Variants in OSBPL10 observed in about 807,000 individuals in gnomAD.
OSBPL10 encodes oxysterol binding protein like 10, also known as oxysterol-binding protein-related protein 10.
In OSBPL10, 49 loss-of-function variants were observed where a neutral mutation model predicts 81.7. The observed-to-expected ratio is 0.60, with a 90% CI of 0.48 to 0.76. The LOEUF (loss-of-function observed/expected upper bound fraction) is 0.76, where lower values mean the gene tolerates loss of function less well. Among genes scored for constraint, OSBPL10 ranks in the 30% least tolerant of loss-of-function variants. The probability of loss-of-function intolerance (pLI) is 0.00; values close to 1 mark genes in which losing one functional copy is unlikely to be tolerated. For synonymous variants in OSBPL10, 419 were observed against 383.6 expected, an observed-to-expected ratio of 1.09 and a Z score of -1.08; for missense variants, 923 against 987.8, an observed-to-expected ratio of 0.93 and a Z score of 0.88.
At position 31,790,476 on chromosome 3, in the gene OSBPL10, T is replaced by C. The variant is rs144854797; in HGVS notation, c.729+39564A>G. Among the ~76,000 whole-genome samples the C allele has an allele frequency of 2.0e-4, 30 of 152,312 alleles. No homozygotes were observed. The East Asian group carries it at 2.9e-3, about 15-fold the overall frequency. ...AGACCTGATTTACATTTCACATATA[T>C]AAAATTCTTCTGTCTCTGAATCACA... is the stretch of plus-strand genomic sequence containing the variant. On this transcript the variant is annotated intron_variant, in intron 4 of 11. Coordinates refer to ENST00000396556, the MANE Select transcript of OSBPL10 (RefSeq NM_017784.5).
intron 2 of OSBPL10, among the ~76,000 whole-genome samples, chr3:31,995,694 T>C (rs1039363932): frequency 6.6e-6 from 1 of 152,172 alleles, no homozygotes; most frequent in African/African-American, 2.4e-5. Context: ...CATAAGAAAT[T>C]ATGAAAGTAT....
At chr3:31,744,673 T>C (rs554225875) in intron 5 of OSBPL10, among the ~76,000 whole-genome samples, 1 of 152,016 alleles carries the variant, frequency 6.6e-6, no homozygotes, top group South Asian at 2.1e-4. Flanking sequence ...CACTTCTTGG[T>C]CTCCCCTTTT....
At chr3:31,828,666 G>A (rs1700157508) in intron 4 of OSBPL10, among the ~76,000 whole-genome samples, 1 of 152,132 alleles carries the variant, frequency 6.6e-6, no homozygotes, top group African/African-American at 2.4e-5. Flanking sequence ...CTAAGTAGCT[G>A]GGACTACAGT....
intron 3 of OSBPL10, among the ~76,000 whole-genome samples, chr3:31,843,613 T>G (rs893633385): frequency 6.6e-6 from 1 of 152,190 alleles, no homozygotes; most frequent in African/African-American, 2.4e-5. Flanking sequence ...ATCTGACATC[T>G]CTGATCATTG....
At chr3:31,852,066 A>G (rs1024007064) in intron 3 of OSBPL10, among the ~76,000 whole-genome samples, 6 of 152,162 alleles carry the variant, frequency 3.9e-5, no homozygotes, top group Non-Finnish European at 7.3e-5. Flanking sequence ...AAGGACCTCA[A>G]GTGAAGAACT....
At chr3:31,770,590 C>T (rs370387564) in intron 4 of OSBPL10, among the ~76,000 whole-genome samples, 3 of 152,114 alleles carry the variant, frequency 2.0e-5, no homozygotes, top group African/African-American at 7.2e-5. Flanking sequence ...AGTTCGAGAC[C>T]AGCCTGACCA....
At chr3:32,044,277 G>A (rs78605803) in intron 2 of OSBPL10, among the ~76,000 whole-genome samples, 4,814 of 150,934 alleles carry the variant, frequency 0.032, 122 homozygotes, top group Non-Finnish European at 0.046. Flanking sequence ...TCTATCTTTC[G>A]TAATATAAGA....
chr3:31,855,222 A>G (rs1386377777), intron 3 of OSBPL10, among the ~76,000 whole-genome samples: 1 of 152,042 alleles, frequency 6.6e-6, no homozygotes, highest in African/African-American at 2.4e-5. Flanking sequence ...AGGTCTTGCT[A>G]TGTTGCCTGA....
At chr3:31,726,557 G>A (rs538005470) in intron 6 of OSBPL10, among the ~76,000 whole-genome samples, 3 of 152,078 alleles carry the variant, frequency 2.0e-5, no homozygotes, top group African/African-American at 7.2e-5. Context: ...CTCATGATCC[G>A]CCTGCCTCGG....
At chr3:31,972,612 C>T (rs11716431) in intron 1 of OSBPL10, among the ~76,000 whole-genome samples, 27,791 of 152,060 alleles carry the variant, frequency 0.18, 2,723 homozygotes, top group South Asian at 0.34. Flanking sequence ...GTTCTACCCA[C>T]ACATAAGGAG....
intron 1 of OSBPL10, among the ~76,000 whole-genome samples, chr3:31,911,267 A>G (rs1696569466): frequency 1.3e-5 from 2 of 152,206 alleles, no homozygotes; most frequent in African/African-American, 4.8e-5. Flanking sequence ...ACCACACAAA[A>G]GTAGCCACAG....
intron 1 of OSBPL10, among the ~76,000 whole-genome samples, chr3:31,947,207 G>A (rs7641575): frequency 0.17 from 25,556 of 152,106 alleles, 2,583 homozygotes; most frequent in South Asian, 0.27. Context: ...TTACTGGAAG[G>A]TAAGGGTGAG....
At chr3:31,703,858 C>G (rs1695975480) in intron 6 of OSBPL10, 2 of 152,222 alleles carry the variant, frequency 1.3e-5, no homozygotes, top group Admixed American at 1.3e-4. Flanking sequence ...GTGCCCAGTT[C>G]TCTAGCCACC....
At chr3:31,760,674 G>T (rs919859267) in intron 4 of OSBPL10, among the ~76,000 whole-genome samples, 2 of 152,170 alleles carry the variant, frequency 1.3e-5, no homozygotes, top group Admixed American at 1.3e-4. Flanking sequence ...AGGGCTGACT[G>T]TATGCCCTTT....
At chr3:31,946,332 T>C (rs960667758) in intron 1 of OSBPL10, among the ~76,000 whole-genome samples, 1 of 149,510 alleles carries the variant, frequency 6.7e-6, no homozygotes, top group Non-Finnish European at 1.5e-5. Context: ...ACTTTTTCAA[T>C]AATAACAAAA....
chr3:31,702,630 C>T, intron 6 of OSBPL10, 122 bp from the exon 7 acceptor site: 2 of 1,379,142 alleles, frequency 1.5e-6, no homozygotes, highest in East Asian at 4.9e-5. Context: ...CAGAGCTCCT[C>T]TGTGACCCAG....
At chr3:31,820,797 T>A (rs1699965730) in intron 4 of OSBPL10, among the ~76,000 whole-genome samples, 1 of 152,056 alleles carries the variant, frequency 6.6e-6, no homozygotes, top group African/African-American at 2.4e-5. Flanking sequence ...TGGTGCAAGG[T>A]GAGAAACTCC....
intron 4 of OSBPL10, among the ~76,000 whole-genome samples, chr3:31,753,502 A>G (rs1697782405): frequency 6.6e-6 from 1 of 151,966 alleles, no homozygotes; most frequent in South Asian, 2.1e-4. Context: ...GGATCATTAA[A>G]CCAAAACCAC....
intron 1 of OSBPL10, among the ~76,000 whole-genome samples, chr3:31,901,581 C>T (rs1696243052): frequency 6.6e-6 from 1 of 152,236 alleles, no homozygotes; most frequent in African/African-American, 2.4e-5. Context: ...TGTCACTCTG[C>T]CCCATAGCAC....
Sources: gnomAD v4.1 joint callset for allele counts (sites outside exome capture counted in the v4.1 genomes callset) on GRCh38, gnomAD v4.1.1 for gene constraint, MANE v1.5 for transcripts, NCBI Gene and HGNC (gene_info 2026-07-23, HGNC 2026-07-21) for gene names.